DENND4C: variants seen among roughly 807,000 people sequenced by gnomAD.
DENND4C encodes the protein DENN domain-containing protein 4C.
DENND4C carries 108 observed loss-of-function variants against 203.0 expected under a neutral mutation model. The ratio of observed to expected loss-of-function variants is 0.53; its 90% CI spans 0.46 to 0.62. The LOEUF is 0.62. Ranked by LOEUF, DENND4C falls within the 20% of genes least tolerant of loss-of-function variation. DENND4C has a pLI of 0.00. For missense variants in DENND4C, 2,481 were observed against 2,301.2 expected, an observed-to-expected ratio of 1.08 and a Z score of -1.60; for synonymous variants, 871 against 792.4, an observed-to-expected ratio of 1.10 and a Z score of -1.67.
rs545186958 is a variant in DENND4C, at chr9:19,311,600, T to C, written c.1488-4817T>C. 3.9e-5 allele frequency among the ~76,000 whole-genome samples: 6 copies of C among 152,198 alleles called. 1 individual carries two copies. The South Asian group carries it at 1.2e-3, about 32-fold the overall frequency. On this transcript the variant is annotated intron_variant, in intron 10 of 32. Coordinates refer to ENST00000434457, the MANE Select transcript of DENND4C (RefSeq NM_001330640.2). ...AAAGACCAATAACTCTATAGAAAAATAGGCAAAGACTATGAAGACTTTTCA... is the reference window on the plus strand; with the variant it reads ...AAAGACCAATAACTCTATAGAAAAACAGGCAAAGACTATGAAGACTTTTCA...
intron 15 of DENND4C, among the ~76,000 whole-genome samples, chr9:19,326,465 G>C (rs995489656): frequency 6.6e-6 from 1 of 151,976 alleles, no homozygotes; most frequent in Non-Finnish European, 1.5e-5. Context: ...ACTTTTATGA[G>C]GCTCCCTGCT....
intron 1 of DENND4C, among the ~76,000 whole-genome samples, chr9:19,235,257 G>A (rs969187878): frequency 4.6e-5 from 7 of 152,282 alleles, no homozygotes; most frequent in Admixed American, 3.3e-4. Flanking sequence ...GAGCCACCAC[G>A]CCTAGCCGAA....
chr9:19,358,184 A>G lies in DENND4C; in HGVS notation c.5160+24A>G, dbSNP rs1238379047. 6.3e-7 allele frequency: 1 copy of G among 1,587,678 alleles called. No individual in the cohort carries two copies. On this transcript the variant is annotated intron_variant, in intron 28 of 32. Transcript: ENST00000434457. This position sits in a 1 kb window ranked among gnomAD's most constrained non-coding sequence, Gnocchi z 4.8. Reference sequence around the variant, plus strand: ...TGGTATGTAACAACAACAACATTGTAATTATACTGCATACACACCTAAGTA... The same window carrying G: ...TGGTATGTAACAACAACAACATTGTGATTATACTGCATACACACCTAAGTA...
intron 28 of DENND4C, 56 bp from the exon 29 acceptor site, chr9:19,360,188 C>T: frequency 1.3e-6 from 2 of 1,553,830 alleles, no homozygotes; most frequent in Non-Finnish European, 8.8e-7. Flanking sequence ...GAGAAGTGCT[C>T]TTGAGCATAC....
intron 10 of DENND4C, among the ~76,000 whole-genome samples, chr9:19,310,950 T>C (rs934828059): frequency 1.3e-5 from 2 of 152,256 alleles, no homozygotes; most frequent in African/African-American, 4.8e-5. Flanking sequence ...GAATTTAAGA[T>C]AATTGCATTG....
rs886383571 is a variant in DENND4C at position 19,336,686 on chromosome 9, C to G, written c.2735C>G (p.Ala912Gly). ...GAACTGCTATTGTCCTTATCTTTAGCTCTTCAAAATGTCACAGGTGGAAGT... is the reference window on the plus strand; with the variant it reads ...GAACTGCTATTGTCCTTATCTTTAGGTCTTCAAAATGTCACAGGTGGAAGT... The part of the protein sequence containing the change: ...VQRSQVSSIS[A>G]LQNVTGGSDG... Residue 912 changes from alanine to glycine, a missense_variant and splice_region_variant, in exon 20 of 33, where the codon GCT (alanine) becomes GGT (glycine). By Grantham distance (60) the Ala-to-Gly change is moderately conservative (BLOSUM62 0). This residue lies in a region of DENND4C where 2,289 missense variants were observed against 2,113.3 expected (regional missense o/e 1.08). Transcript: ENST00000434457. The G allele has an allele frequency of 6.4e-7, 1 of 1,550,540 alleles. No individual in the cohort carries two copies. Among genetic ancestry groups the G allele is most frequent in the Non-Finnish European group, 8.7e-7 (1 of 1,146,854 alleles).
At chr9:19,277,698 A>G (rs764179143) in intron 2 of DENND4C, among the ~76,000 whole-genome samples, 7 of 152,038 alleles carry the variant, frequency 4.6e-5, no homozygotes, top group Non-Finnish European at 7.4e-5. Context: ...AGTATGTTGA[A>G]TAGCAGTGGT....
rs765454942 is a variant in DENND4C, at chr9:19,358,269, TAG to T, written c.5160+112_5160+113del. The T allele has an allele frequency of 6.5e-6, 6 of 926,072 alleles. No homozygotes were observed. Among genetic ancestry groups the T allele is most frequent in the Non-Finnish European group, 9.1e-6 (6 of 661,356 alleles). 57.4% of individuals were successfully genotyped at this position (926,072 alleles called of 1,614,324 possible). ...CTTATTTTAATTACATGAAAAGTGA[TAG>T]AGTTTTTCCATAAACAAATAACTTT... On this transcript the variant is annotated intron_variant, in intron 28 of 32. Coordinates refer to ENST00000434457, the MANE Select transcript of DENND4C (RefSeq NM_001330640.2). The surrounding 1 kb of genome is among the most constrained non-coding windows in gnomAD (Gnocchi z 4.8).
chr9:19,325,645 T>C (rs1283329182), intron 13 of DENND4C, among the ~76,000 whole-genome samples: 1 of 152,200 alleles, frequency 6.6e-6, no homozygotes, highest in African/African-American at 2.4e-5. Flanking sequence ...ATAAAGGGGC[T>C]TAATAATAAT....
At chr9:19,363,628 G>A (rs1381259930) in intron 30 of DENND4C, among the ~76,000 whole-genome samples, 1 of 152,076 alleles carries the variant, frequency 6.6e-6, no homozygotes, top group Non-Finnish European at 1.5e-5. Flanking sequence ...TATGAATTTG[G>A]GGGTGACACA....
intron 30 of DENND4C, among the ~76,000 whole-genome samples, chr9:19,367,232 C>G (rs2132303733): frequency 2.0e-5 from 3 of 152,244 alleles, no homozygotes; most frequent in African/African-American, 7.2e-5. Context: ...CCCTCAGACA[C>G]TGTCAGTTAG....
intron 30 of DENND4C, among the ~76,000 whole-genome samples, chr9:19,364,478 A>AT (rs1193493072): frequency 3.3e-5 from 5 of 151,728 alleles, no homozygotes; most frequent in Admixed American, 6.6e-5. Flanking sequence ...TTACTGTAAG[A>AT]TTTTTTTTTC....
chr9:19,289,984 A>G (rs1295043772), intron 4 of DENND4C, among the ~76,000 whole-genome samples: 2 of 152,342 alleles, frequency 1.3e-5, no homozygotes, highest in East Asian at 3.8e-4. Context: ...CAGTTATTTG[A>G]TATGAGACAC....
chr9:19,257,845 A>T (rs145538311), intron 1 of DENND4C, among the ~76,000 whole-genome samples: 17 of 152,258 alleles, frequency 1.1e-4, no homozygotes, highest in Non-Finnish European at 1.5e-5. Context: ...AGGAAGAAAT[A>T]GGGGCTGGGC....
At chr9:19,331,917 C>T in intron 16 of DENND4C, 61 bp from the exon 17 acceptor site, 1 of 1,446,580 alleles carries the variant, frequency 6.9e-7, no homozygotes, top group Non-Finnish European at 9.4e-7. Context: ...TTTTCCTTCT[C>T]ACTTCTCCCC....
intron 5 of DENND4C, among the ~76,000 whole-genome samples, chr9:19,291,931 C>T (rs2131185901): frequency 6.6e-6 from 1 of 152,066 alleles, no homozygotes; most frequent in Admixed American, 6.5e-5. Flanking sequence ...GAGAGTTTTC[C>T]AAGGTTGATG....
At chr9:19,278,711 A>C (rs1444068106) in intron 2 of DENND4C, among the ~76,000 whole-genome samples, 1 of 152,164 alleles carries the variant, frequency 6.6e-6, no homozygotes, top group Non-Finnish European at 1.5e-5. Flanking sequence ...CTCCTTTAGT[A>C]TTGTCCATCC....
intron 1 of DENND4C, among the ~76,000 whole-genome samples, chr9:19,241,735 A>G (rs951381362): frequency 1.3e-5 from 2 of 152,046 alleles, no homozygotes; most frequent in African/African-American, 4.8e-5. Flanking sequence ...TTTAAAAAAC[A>G]TAAGTAGAAC....
chr9:19,354,295 C>T (rs939612655), intron 26 of DENND4C, among the ~76,000 whole-genome samples: 3 of 152,002 alleles, frequency 2.0e-5, no homozygotes, highest in African/African-American at 4.8e-5. Flanking sequence ...AATACATGTC[C>T]CCTTTTGGAC....
Sources: allele counts gnomAD v4.1 joint callset (sites outside exome capture counted in the v4.1 genomes callset), GRCh38; gene constraint gnomAD v4.1.1; regional missense constraint gnomAD v4.1.1; non-coding constraint Gnocchi (gnomAD v3.1); transcripts MANE v1.5; gene names NCBI Gene and HGNC (gene_info 2026-07-23, HGNC 2026-07-21).